The following SV2C variants were observed in gnomAD, a reference collection of about 807,000 sequenced individuals.
SV2C encodes synaptic vesicle glycoprotein 2C.
In SV2C, 49 loss-of-function variants were observed where a neutral mutation model predicts 79.7. The observed-to-expected ratio is 0.61, with a 90% CI of 0.49 to 0.78. SV2C has a LOEUF of 0.78. Ranked by LOEUF, SV2C falls within the 30% of genes least tolerant of loss-of-function variation. The pLI, the probability that SV2C is intolerant of heterozygous loss-of-function variation, is 0.00. For missense variants in SV2C, 833 were observed against 912.9 expected (o/e 0.91, Z 1.13); for synonymous variants, 334 against 333.2 (o/e 1.00, Z -0.03).
At chr5:75,907,163 G>A in the SV2C span, among the ~76,000 whole-genome samples, 1 of 152,158 alleles carries the variant, frequency 6.6e-6, no homozygotes, top group South Asian at 2.1e-4. Flanking sequence ...AACCCCTCAA[G>A]ACTCCATAGA....
the SV2C span, among the ~76,000 whole-genome samples, chr5:75,892,289 A>G: frequency 1.3e-5 from 2 of 152,024 alleles, no homozygotes; most frequent in Admixed American, 6.6e-5. Flanking sequence ...TATGAGGCAC[A>G]TGAGAAATTT....
the SV2C span, among the ~76,000 whole-genome samples, chr5:75,872,322 C>A: frequency 2.0e-5 from 3 of 151,828 alleles, no homozygotes; most frequent in African/African-American, 2.4e-5. Context: ...TATAAAAATT[C>A]TTCCCAAATT....
the SV2C span, among the ~76,000 whole-genome samples, chr5:75,981,375 T>C: frequency 6.6e-6 from 1 of 152,112 alleles, no homozygotes. Flanking sequence ...TATTTTAAAA[T>C]TCATATGGAA....
At chr5:76,103,578 G>T (rs16873207) in intron 1 of SV2C, among the ~76,000 whole-genome samples, 5,344 of 152,254 alleles carry the variant, frequency 0.035, 328 homozygotes, top group African/African-American at 0.12. Context: ...GACAGCCATA[G>T]CTTCACCAGA....
the SV2C span, among the ~76,000 whole-genome samples, chr5:75,961,424 C>G: frequency 6.6e-6 from 1 of 151,486 alleles, no homozygotes; most frequent in South Asian, 2.1e-4. Flanking sequence ...AAGGAATGAT[C>G]TAAAGGAATA....
the SV2C span, among the ~76,000 whole-genome samples, chr5:75,944,559 A>G: frequency 6.6e-6 from 1 of 152,168 alleles, no homozygotes; most frequent in Non-Finnish European, 1.5e-5. Flanking sequence ...AAACAATAAT[A>G]CAAGAATTGG....
chr5:76,184,272 A>G (rs1407633859), intron 2 of SV2C, among the ~76,000 whole-genome samples: 3 of 152,134 alleles, frequency 2.0e-5, no homozygotes, highest in Admixed American at 1.3e-4. Context: ...TCTCCTGGAG[A>G]GTGAAAACTG....
chr5:76,112,171 G>A (rs1016111286), intron 1 of SV2C, among the ~76,000 whole-genome samples: 1 of 152,170 alleles, frequency 6.6e-6, no homozygotes. Context: ...GGAGAGTCAG[G>A]CAATGAACAA....
chr5:76,236,478 C>T (rs1214888361), intron 4 of SV2C, among the ~76,000 whole-genome samples: 1 of 152,024 alleles, frequency 6.6e-6, no homozygotes, highest in East Asian at 1.9e-4. Context: ...GGGAGCATCA[C>T]TTGAACCCAG....
At chr5:76,106,058 T>G (rs1437147420) in intron 1 of SV2C, among the ~76,000 whole-genome samples, 1 of 152,192 alleles carries the variant, frequency 6.6e-6, no homozygotes, top group East Asian at 1.9e-4. Context: ...ATTGGATGTC[T>G]AATCAATAGC....
chr5:76,261,410 T>C (rs10073689), intron 4 of SV2C, among the ~76,000 whole-genome samples: 4,743 of 152,312 alleles, frequency 0.031, 107 homozygotes, highest in Non-Finnish European at 0.048. Context: ...TGACTTTCTC[T>C]ATTCCTATTC....
chr5:76,249,962 A>G (rs1344888852), intron 4 of SV2C, among the ~76,000 whole-genome samples: 1 of 152,214 alleles, frequency 6.6e-6, no homozygotes, highest in African/African-American at 2.4e-5. Flanking sequence ...TTACCCCTCA[A>G]TGGGAACGTT....
chr5:76,122,395 T>C (rs1748541148), intron 1 of SV2C, among the ~76,000 whole-genome samples: 1 of 151,722 alleles, frequency 6.6e-6, no homozygotes, highest in Non-Finnish European at 1.5e-5. Context: ...TGGCCAGAAC[T>C]TCCAACACTA....
the SV2C span, among the ~76,000 whole-genome samples, chr5:75,941,321 G>A: frequency 1.3e-5 from 2 of 152,100 alleles, no homozygotes; most frequent in African/African-American, 2.4e-5. Context: ...TCAAAAGCTC[G>A]ATTTATCTAC....
At position 76,261,736 on chromosome 5, in the gene SV2C, G is replaced by A. The variant is rs1746476046; in HGVS notation, c.914-23426G>A. ...TTGTCATTGGTTCGGTTTATGTGAT[G>A]GATTACATTTATTGATTTGCATATG... On this transcript the variant is annotated intron_variant, in intron 4 of 12. Transcript: ENST00000502798. Among the ~76,000 whole-genome samples, 3 of 152,162 alleles carry A rather than the reference G, an allele frequency of 2.0e-5. No homozygotes were observed. The South Asian group carries it at 6.2e-4, about 32-fold the overall frequency.
chr5:76,312,704 GTTCCTGCCT>G (rs978050697), intron 12 of SV2C, among the ~76,000 whole-genome samples: 5 of 152,220 alleles, frequency 3.3e-5, no homozygotes, highest in Non-Finnish European at 5.9e-5. Context: ...TTGGCCGCAT[GTTCCTGCCT>G]TTCTCTGCCT....
At chr5:76,135,298 T>C (rs997745320) in intron 2 of SV2C, among the ~76,000 whole-genome samples, 5 of 152,142 alleles carry the variant, frequency 3.3e-5, no homozygotes, top group African/African-American at 4.8e-5. Context: ...CAAAGAGGAG[T>C]GCCAATGGGC....
At chr5:76,237,166 G>A (rs950384288) in intron 4 of SV2C, among the ~76,000 whole-genome samples, 5 of 152,112 alleles carry the variant, frequency 3.3e-5, no homozygotes, top group African/African-American at 1.2e-4. Context: ...TGTGAGAATG[G>A]AAAAACACAC....
chr5:76,320,817 G>A (rs1748802527), intron 12 of SV2C, among the ~76,000 whole-genome samples: 1 of 152,172 alleles, frequency 6.6e-6, no homozygotes, highest in African/African-American at 2.4e-5. Context: ...GGAAGAATAT[G>A]AAATTAGCTT....
Sources: allele counts gnomAD v4.1 joint callset (sites outside exome capture counted in the v4.1 genomes callset), GRCh38; gene constraint gnomAD v4.1.1; transcripts MANE v1.5; gene names NCBI Gene and HGNC (gene_info 2026-07-23, HGNC 2026-07-21).